SLC47A1: variants seen among roughly 807,000 people sequenced by gnomAD.
SLC47A1 encodes the protein solute carrier family 47 member 1, also known as multidrug and toxin extrusion protein 1.
In SLC47A1, 58 loss-of-function variants were observed where a neutral mutation model predicts 65.8. The ratio of observed to expected loss-of-function variants is 0.88; its 90% CI spans 0.71 to 1.10. SLC47A1 has a LOEUF of 1.10. Ranked by LOEUF, SLC47A1 falls within the 50% of genes least tolerant of loss-of-function variation. The pLI is 0.00. For synonymous variants in SLC47A1, 285 were observed against 295.0 expected, an observed-to-expected ratio of 0.97 and a Z score of 0.35; for missense variants, 706 against 719.2, an observed-to-expected ratio of 0.98 and a Z score of 0.21.
chr17:19,577,521 A>ATTTTAGTGAGAT lies in SLC47A1; in HGVS notation c.1683_1694dup (p.Leu562_Phe565dup). On this transcript the variant is annotated inframe_insertion, in exon 17 of 17. Coordinates refer to ENST00000270570, the MANE Select transcript of SLC47A1 (RefSeq NM_018242.3). ...GGTCTTCTTAATCTTGCTGGTGGGGATTTTAGTGAGATTCTATGTCAGAAT... is the reference window on the plus strand; with the variant it reads ...GGTCTTCTTAATCTTGCTGGTGGGGATTTTAGTGAGATTTTTAGTGAGATTCTATGTCAGAAT... 6.2e-7 allele frequency: 1 copy of ATTTTAGTGAGAT among 1,613,934 alleles called. No homozygotes were observed. The highest frequency in any genetic ancestry group is 8.5e-7 in the Non-Finnish European group (1 of 1,179,984).
In SLC47A1 at chr17:19,578,079, C is replaced by A; in HGVS notation, c.*526C>A. The A allele has an allele frequency of 1.3e-6, 1 of 788,174 alleles. No individual in the cohort carries two copies. Among genetic ancestry groups the A allele is most frequent in the South Asian group, 1.4e-5 (1 of 70,802 alleles). The allele number at this position is 788,174 out of a possible 1,614,324, so 48.8% of individuals were successfully genotyped here. On this transcript the variant is annotated 3_prime_UTR_variant, in exon 17 of 17. Coordinates refer to ENST00000270570, the MANE Select transcript of SLC47A1 (RefSeq NM_018242.3). The stretch of plus-strand genomic sequence containing the variant: ...CTCACTGCAGCCTCGAACTCTTGGG[C>A]TTCAAGCAATCCTCCTGTGTCAGCC...
At chr17:19,575,829 A>C (rs1416903379) in intron 16 of SLC47A1, among the ~76,000 whole-genome samples, 1 of 152,190 alleles carries the variant, frequency 6.6e-6, no homozygotes, top group African/African-American at 2.4e-5. Context: ...ATCAACTTAT[A>C]ATAAGGCCGA....
rs144325967 is a variant in SLC47A1, at chr17:19,553,545, C to CT, written c.544-1649dup. ...ACCACCTGAATTCATTTCTTTCTTC[C>CT]TTTTTTTTTTTTTTTTTTGAGATGG... On this transcript the variant is annotated intron_variant, in intron 6 of 16. Coordinates refer to ENST00000270570, the MANE Select transcript of SLC47A1 (RefSeq NM_018242.3). 4.5e-3 allele frequency among the ~76,000 whole-genome samples: 602 copies of CT among 133,600 alleles called. 23 individuals are homozygous for CT. In the South Asian group the frequency reaches 0.08, roughly 18 times the overall value. The allele number at this position is 133,600 out of a possible 152,430, so 87.6% of individuals were successfully genotyped here.
At chr17:19,538,422 TA>T (rs567892331) in intron 1 of SLC47A1, among the ~76,000 whole-genome samples, 78 of 152,240 alleles carry the variant, frequency 5.1e-4, no homozygotes, top group Non-Finnish European at 8.4e-4. Flanking sequence ...TACACATCAC[TA>T]TCCGGGGAAA....
intron 12 of SLC47A1, among the ~76,000 whole-genome samples, chr17:19,563,555 A>C (rs1184626568): frequency 6.6e-6 from 1 of 152,198 alleles, no homozygotes; most frequent in Non-Finnish European, 1.5e-5. Flanking sequence ...AGAGCACAGG[A>C]AAAGGAAAAC....
At chr17:19,570,346 G>T (rs2084389933) in intron 14 of SLC47A1, among the ~76,000 whole-genome samples, 1 of 152,190 alleles carries the variant, frequency 6.6e-6, no homozygotes, top group South Asian at 2.1e-4. Flanking sequence ...ACTTGCATTT[G>T]GGCAGAAACT....
chr17:19,556,653 G>A (rs1339636675), intron 10 of SLC47A1, among the ~76,000 whole-genome samples: 6 of 150,740 alleles, frequency 4.0e-5, no homozygotes, highest in Non-Finnish European at 7.4e-5. Flanking sequence ...CCGCCTCCCG[G>A]GTTCAAGCAT....
At chr17:19,550,048 C>A (rs893644437) in intron 5 of SLC47A1, among the ~76,000 whole-genome samples, 17 of 152,206 alleles carry the variant, frequency 1.1e-4, no homozygotes, top group African/African-American at 3.9e-4. Flanking sequence ...CCACACAGAA[C>A]CTTAAGCATG....
At chr17:19,568,766 A>G (rs2084378192) in intron 14 of SLC47A1, among the ~76,000 whole-genome samples, 2 of 152,096 alleles carry the variant, frequency 1.3e-5, no homozygotes, top group Non-Finnish European at 1.5e-5. Flanking sequence ...TGTCTATCAG[A>G]AATTTGTACC....
chr17:19,564,379 G>A (rs913443068), intron 12 of SLC47A1: 3 of 152,068 alleles, frequency 2.0e-5, no homozygotes, highest in Non-Finnish European at 2.9e-5. Flanking sequence ...ATCTCAGGTG[G>A]AAAAAGCAAG....
chr17:19,571,255 T>C (rs1165827923), intron 14 of SLC47A1, among the ~76,000 whole-genome samples: 1 of 152,076 alleles, frequency 6.6e-6, no homozygotes. Context: ...GATGGCCCTT[T>C]TGGGGGTGGC....
intron 1 of SLC47A1, among the ~76,000 whole-genome samples, chr17:19,538,997 A>T (rs1916067091): frequency 6.6e-6 from 1 of 151,688 alleles, no homozygotes; most frequent in Non-Finnish European, 1.5e-5. Context: ...TGCAGTGGTG[A>T]GCTGAGCTCA....
intron 4 of SLC47A1, among the ~76,000 whole-genome samples, chr17:19,548,656 C>T (rs562427609): frequency 2.6e-5 from 4 of 152,224 alleles, no homozygotes; most frequent in South Asian, 2.1e-4. Context: ...CCTACTACCA[C>T]GCCTGGCTAA....
intron 1 of SLC47A1, among the ~76,000 whole-genome samples, chr17:19,536,171 A>G (rs563190854): frequency 6.6e-6 from 1 of 151,888 alleles, no homozygotes; most frequent in Non-Finnish European, 1.5e-5. Flanking sequence ...GGCTAAAGCA[A>G]TCCTCCTGCC....
chr17:19,577,896 G>A lies in SLC47A1; in HGVS notation c.*343G>A. 7 of 1,237,216 alleles carry A rather than the reference G, an allele frequency of 5.7e-6. No homozygotes were observed. Among genetic ancestry groups the A allele is most frequent in the Non-Finnish European group, 7.2e-6 (7 of 972,740 alleles). 76.6% of individuals were successfully genotyped at this position (1,237,216 alleles called of 1,614,324 possible). A position where few individuals can be genotyped will look rare whatever the true frequency, so the allele number is the denominator to read the frequency against. ...AACTAACTGCTTAAGAATTCATACTGCTTGAATTATGTAAAATATATTTTA... is the reference window on the plus strand; with the variant it reads ...AACTAACTGCTTAAGAATTCATACTACTTGAATTATGTAAAATATATTTTA... On this transcript the variant is annotated 3_prime_UTR_variant, in exon 17 of 17. Coordinates refer to ENST00000270570, the MANE Select transcript of SLC47A1 (RefSeq NM_018242.3).
intron 2 of SLC47A1, among the ~76,000 whole-genome samples, chr17:19,542,825 G>A (rs1379861461): frequency 1.4e-5 from 2 of 147,514 alleles, no homozygotes; most frequent in South Asian, 2.1e-4. Flanking sequence ...GAAGTCTCGC[G>A]CTGTTACCCA....
chr17:19,538,228 C>G (rs756395777), intron 1 of SLC47A1, among the ~76,000 whole-genome samples: 10 of 152,176 alleles, frequency 6.6e-5, no homozygotes, highest in Non-Finnish European at 1.0e-4. Flanking sequence ...CCTTCTTTTC[C>G]CCAGAAGCAG....
chr17:19,563,888 C>G (rs1001534452), intron 12 of SLC47A1, among the ~76,000 whole-genome samples: 3 of 152,026 alleles, frequency 2.0e-5, no homozygotes, highest in African/African-American at 7.3e-5. Context: ...ACTCGGGAGG[C>G]TGAGGCAGGA....
chr17:19,559,826 C>A (rs1350105936), intron 10 of SLC47A1, among the ~76,000 whole-genome samples: 3 of 152,062 alleles, frequency 2.0e-5, no homozygotes, highest in Non-Finnish European at 1.5e-5. Flanking sequence ...AGCCACCACG[C>A]CTGACCTCTG....
Sources: gnomAD v4.1 joint callset for allele counts (sites outside exome capture counted in the v4.1 genomes callset) on GRCh38, gnomAD v4.1.1 for gene constraint, MANE v1.5 for transcripts, NCBI Gene and HGNC (gene_info 2026-07-23, HGNC 2026-07-21) for gene names.